ETFDH: variants seen among roughly 807,000 people sequenced by gnomAD.
ETFDH encodes the protein electron transfer flavoprotein-ubiquinone oxidoreductase, mitochondrial.
ETFDH carries 61 observed loss-of-function variants against 73.2 expected under a neutral mutation model. The ratio of observed to expected loss-of-function variants is 0.83; its 90% CI spans 0.68 to 1.03. The LOEUF is 1.03. Ranked by LOEUF, ETFDH falls within the 50% of genes least tolerant of loss-of-function variation. The probability of loss-of-function intolerance (pLI) is 0.00; values close to 1 mark genes in which losing one functional copy is unlikely to be tolerated. For missense variants in ETFDH, 685 were observed against 745.0 expected, an observed-to-expected ratio of 0.92 and a Z score of 0.94; for synonymous variants, 243 against 253.3, an observed-to-expected ratio of 0.96 and a Z score of 0.39.
chr4:158,688,765 C>T (rs374467829), intron 5 of ETFDH, among the ~76,000 whole-genome samples: 6 of 152,294 alleles, frequency 3.9e-5, no homozygotes, highest in Middle Eastern at 3.4e-3. Context: ...AGAAATCTCA[C>T]CCTTTTAAAT....
chr4:158,684,140 A>C (rs1197995447), intron 3 of ETFDH, among the ~76,000 whole-genome samples: 6 of 152,212 alleles, frequency 3.9e-5, no homozygotes, highest in African/African-American at 1.4e-4. Flanking sequence ...GTGTAATCCC[A>C]ACACTTTGGG....
At chr4:158,695,755 C>A (rs1230990337) in intron 7 of ETFDH, 112 bp downstream of exon 7, 6 of 782,248 alleles carry the variant, frequency 7.7e-6, no homozygotes, top group South Asian at 6.3e-5. Flanking sequence ...TTTTCATTGT[C>A]TTGAAATGTT....
At chr4:158,680,370 C>G in intron 1 of ETFDH, 97 bp from the exon 2 acceptor site, 1 of 796,420 alleles carries the variant, frequency 1.3e-6, no homozygotes, top group Non-Finnish European at 2.2e-6. Flanking sequence ...GTATATTTCA[C>G]TATACTCATT....
intron 10 of ETFDH, among the ~76,000 whole-genome samples, chr4:158,703,949 A>T (rs890783767): frequency 1.3e-5 from 2 of 152,182 alleles, no homozygotes; most frequent in African/African-American, 4.8e-5. Context: ...ATACAAAAAA[A>T]TTAGCTGTGT....
chr4:158,708,217 G>A, intron 12 of ETFDH, 147 bp from the exon 13 acceptor site: 1 of 624,544 alleles, frequency 1.6e-6, no homozygotes, highest in Non-Finnish European at 2.8e-6. Context: ...CAATAGCAAT[G>A]CACCAAGGTC....
intron 6 of ETFDH, 134 bp downstream of exon 6, chr4:158,690,559 G>A: frequency 1.4e-6 from 1 of 707,610 alleles, no homozygotes; most frequent in Non-Finnish European, 2.6e-6. Flanking sequence ...TACACCTGTA[G>A]TCCTAGCTAC....
chr4:158,704,829 TGG>T (rs1774565009), intron 10 of ETFDH, among the ~76,000 whole-genome samples: 1 of 152,034 alleles, frequency 6.6e-6, no homozygotes, highest in Non-Finnish European at 1.5e-5. Context: ...AGGCCTAGCG[TGG>T]GGAGATGAAG....
At chr4:158,675,399 T>C (rs1180929384) in intron 1 of ETFDH, among the ~76,000 whole-genome samples, 1 of 152,236 alleles carries the variant, frequency 6.6e-6, no homozygotes, top group East Asian at 1.9e-4. Context: ...AAATATTTCA[T>C]TATTTGGATA....
At chr4:158,708,293 T>C (rs1240666230) in intron 12 of ETFDH, 71 bp from the exon 13 acceptor site, 1 of 1,190,748 alleles carries the variant, frequency 8.4e-7, no homozygotes, top group African/African-American at 1.5e-5. Context: ...ACTCTTTCCT[T>C]AATTTTTACT....
At chr4:158,703,974 C>T (rs751190402) in intron 10 of ETFDH, among the ~76,000 whole-genome samples, 51 of 152,140 alleles carry the variant, frequency 3.4e-4, no homozygotes, top group Non-Finnish European at 7.1e-4. Flanking sequence ...TGGCGGGTGC[C>T]TGTAATCCCA....
intron 1 of ETFDH, among the ~76,000 whole-genome samples, chr4:158,676,824 T>G (rs1297542689): frequency 6.6e-6 from 1 of 152,236 alleles, no homozygotes; most frequent in Admixed American, 6.5e-5. Flanking sequence ...GAGCATCTTT[T>G]CATGTACTTA....
intron 9 of ETFDH, among the ~76,000 whole-genome samples, chr4:158,701,869 A>G (rs1312173397): frequency 6.6e-6 from 1 of 152,248 alleles, no homozygotes; most frequent in Admixed American, 6.5e-5. Flanking sequence ...TGTGGGCTAC[A>G]TATGGACATT....
rs1561240026 is a variant in ETFDH at position 158,685,226 on chromosome 4, A to G, written c.606+7A>G. 1.3e-6 allele frequency: 2 copies of G among 1,508,650 alleles called. No homozygotes were observed. The highest frequency in any genetic ancestry group is 4.5e-5 in the East Asian group (2 of 44,330). 93.5% of individuals were successfully genotyped at this position (1,508,650 alleles called of 1,614,324 possible). A position where few individuals can be genotyped will look rare whatever the true frequency, so the allele number is the denominator to read the frequency against. On this transcript the variant is annotated splice_region_variant and intron_variant, in intron 5 of 12. Transcript: ENST00000511912. ...TGGTTATGCAGCTGCTGAGGTTTGT[A>G]TAGTTTTGTTTTGTTTTAATATTTA...
intron 10 of ETFDH, 49 bp from the exon 11 acceptor site, chr4:158,706,140 C>T (rs747128870): frequency 8.0e-7 from 1 of 1,254,404 alleles, no homozygotes; most frequent in Non-Finnish European, 1.2e-6. Context: ...GCGTATTTTA[C>T]ACACATTTGG....
At chr4:158,705,991 G>A (rs1774599796) in intron 10 of ETFDH, among the ~76,000 whole-genome samples, 198 bp from the exon 11 acceptor site, 1 of 152,158 alleles carries the variant, frequency 6.6e-6, no homozygotes, top group South Asian at 2.1e-4. Context: ...TGAGGTGGGA[G>A]GATGGCTTGA....
At position 158,692,150 on chromosome 4, in the gene ETFDH, T is replaced by C. The variant is rs984412149; in HGVS notation, c.684+1725T>C. ...GGCTCACGCCTGTAATCCCAGCACT[T>C]TGGGAGGCTGAGGCAGGCAGATCAC... is the stretch of plus-strand genomic sequence containing the variant. On this transcript the variant is annotated intron_variant, in intron 6 of 12. Transcript: ENST00000511912. 7.2e-5 allele frequency among the ~76,000 whole-genome samples: 11 copies of C among 152,112 alleles called. No individual in the cohort carries two copies. In the South Asian group the frequency reaches 1.9e-3, roughly 26 times the overall value.
At chr4:158,681,502 G>A (rs1647872434) in intron 2 of ETFDH, 1 of 152,154 alleles carries the variant, frequency 6.6e-6, no homozygotes, top group Admixed American at 6.5e-5. Flanking sequence ...TGTAACCTAA[G>A]CATACAGTGT....
At chr4:158,691,201 C>A (rs1212470302) in intron 6 of ETFDH, among the ~76,000 whole-genome samples, 1 of 152,172 alleles carries the variant, frequency 6.6e-6, no homozygotes, top group Non-Finnish European at 1.5e-5. Context: ...CTGCATTAAC[C>A]AAATACATCA....
At chr4:158,695,213 C>G (rs745730796) in intron 6 of ETFDH, among the ~76,000 whole-genome samples, 3 of 152,112 alleles carry the variant, frequency 2.0e-5, no homozygotes, top group Non-Finnish European at 4.4e-5. Flanking sequence ...GGCAGAGGAG[C>G]TGGATAATCT....
Sources: allele counts gnomAD v4.1 joint callset (sites outside exome capture counted in the v4.1 genomes callset), GRCh38; gene constraint gnomAD v4.1.1; transcripts MANE v1.5; gene names NCBI Gene and HGNC (gene_info 2026-07-23, HGNC 2026-07-21).